Variants in MAPK10 observed in about 807,000 individuals in gnomAD.
MAPK10 encodes the protein JNK3 alpha protein kinase.
In MAPK10, 25 loss-of-function variants were observed where a neutral mutation model predicts 59.3. The ratio of observed to expected loss-of-function variants is 0.42; its 90% CI spans 0.31 to 0.59. MAPK10 has a LOEUF of 0.59. Among genes scored for constraint, MAPK10 ranks in the 20% least tolerant of loss-of-function variants. The pLI is 0.15. For missense variants in MAPK10, 351 were observed against 568.9 expected, an observed-to-expected ratio of 0.62 and a Z score of 3.90; for synonymous variants, 190 against 200.5, an observed-to-expected ratio of 0.95 and a Z score of 0.44.
At chr4:86,414,593 GT>G (rs1175877202) in intron 1 of MAPK10, among the ~76,000 whole-genome samples, 2 of 152,168 alleles carry the variant, frequency 1.3e-5, no homozygotes, top group Admixed American at 1.3e-4. Context: ...TATGCCTGAA[GT>G]CTACATTGCT....
chr4:86,468,763 A>T (rs1443082306), intron 1 of MAPK10, among the ~76,000 whole-genome samples: 4 of 152,294 alleles, frequency 2.6e-5, no homozygotes, highest in South Asian at 2.1e-4. Flanking sequence ...CTGAGGCAGG[A>T]GAATTGCTTG....
chr4:86,222,043 G>A (rs1037231521), intron 2 of MAPK10, among the ~76,000 whole-genome samples: 2 of 151,956 alleles, frequency 1.3e-5, no homozygotes, highest in Admixed American at 6.5e-5. Context: ...TCTCTTGCTC[G>A]TCTTCCAGAC....
At chr4:86,054,689 T>TTA (rs553625029) in intron 11 of MAPK10, among the ~76,000 whole-genome samples, 219 of 152,250 alleles carry the variant, frequency 1.4e-3, no homozygotes, top group Non-Finnish European at 2.4e-3. Flanking sequence ...ATTTCTAAAT[T>TTA]TATATATATT....
chr4:86,099,945 C>T (rs1428665081), intron 8 of MAPK10: 2 of 152,106 alleles, frequency 1.3e-5, no homozygotes, highest in Non-Finnish European at 2.9e-5. Flanking sequence ...GTGAACCTGA[C>T]CTTTGTAAGA....
At chr4:86,490,600 TGA>T (rs1754383253) in intron 1 of MAPK10, among the ~76,000 whole-genome samples, 2 of 152,226 alleles carry the variant, frequency 1.3e-5, no homozygotes, top group Admixed American at 1.3e-4. Context: ...GGCACTGGCC[TGA>T]GAGACAAGTA....
chr4:86,324,043 T>C (rs1564381953), intron 2 of MAPK10, among the ~76,000 whole-genome samples: 1 of 152,086 alleles, frequency 6.6e-6, no homozygotes, highest in East Asian at 1.9e-4. Flanking sequence ...AGGTAGAAAG[T>C]TCCCAGCAAA....
chr4:86,159,856 C>A (rs1439565712), intron 3 of MAPK10, among the ~76,000 whole-genome samples: 1 of 151,856 alleles, frequency 6.6e-6, no homozygotes, highest in Non-Finnish European at 1.5e-5. Context: ...CAAAGATGAT[C>A]ACTGGTCACC....
intron 4 of MAPK10, among the ~76,000 whole-genome samples, chr4:86,145,361 CA>C (rs1166418131): frequency 0.021 from 1,169 of 55,342 alleles, 24 homozygotes; most frequent in African/African-American, 0.058. Context: ...GACACCGTCT[CA>C]AAAAAAAAAA....
chr4:86,528,409 T>A (rs1304080898), intron 1 of MAPK10, among the ~76,000 whole-genome samples: 1 of 152,206 alleles, frequency 6.6e-6, no homozygotes, highest in East Asian at 1.9e-4. Flanking sequence ...ACTTATCTTT[T>A]ACTTTTATCC....
Position 86,067,777 on chromosome 4 carries a change from G to A in MAPK10, c.981C>T (p.Leu327=). 1 of 1,609,762 alleles carries A rather than the reference G, an allele frequency of 6.2e-7. No individual in the cohort carries two copies. The highest frequency in any genetic ancestry group is 8.5e-7 in the Non-Finnish European group (1 of 1,177,794). ...LFPADSEHNK[L]KASQARDLLS... is the part of the protein sequence containing the mutation. Reference sequence around the variant, plus strand: ...AGTCATTCCTGAAGGGCATACCTTTGAGTTTATTGTGCTCGGAGTCCGCTG... The same window carrying A: ...AGTCATTCCTGAAGGGCATACCTTTAAGTTTATTGTGCTCGGAGTCCGCTG... Residue 327 remains leucine, a synonymous_variant, in exon 10 of 14, where the codon CTC becomes CTT. Transcript: ENST00000641462.
chr4:86,465,829 G>A (rs1752152335), intron 1 of MAPK10, among the ~76,000 whole-genome samples: 1 of 152,118 alleles, frequency 6.6e-6, no homozygotes, highest in Non-Finnish European at 1.5e-5. Context: ...AAGGACCCCA[G>A]CTGTCACGAG....
chr4:86,552,184 C>T (rs1301716273), intron 1 of MAPK10, among the ~76,000 whole-genome samples: 1 of 151,680 alleles, frequency 6.6e-6, no homozygotes, highest in African/African-American at 2.4e-5. Flanking sequence ...CTTTGGGAGG[C>T]CGAGGCGGGA....
chr4:86,284,001 T>C (rs951988193), intron 2 of MAPK10, among the ~76,000 whole-genome samples: 2 of 152,190 alleles, frequency 1.3e-5, no homozygotes, highest in African/African-American at 2.4e-5. Context: ...AGAAGCCGCA[T>C]AATAAAGAAA....
chr4:86,244,021 A>G (rs1338458357), intron 2 of MAPK10, among the ~76,000 whole-genome samples: 1 of 152,202 alleles, frequency 6.6e-6, no homozygotes, highest in Non-Finnish European at 1.5e-5. Context: ...TAGCAACTCA[A>G]TAAATACTTG....
chr4:86,312,623 T>C (rs2095692681), intron 2 of MAPK10, among the ~76,000 whole-genome samples: 1 of 152,036 alleles, frequency 6.6e-6, no homozygotes, highest in African/African-American at 2.4e-5. Flanking sequence ...GATGAAACAA[T>C]GTAAATAGGG....
At chr4:86,518,617 C>T (rs1413351717) in intron 1 of MAPK10, among the ~76,000 whole-genome samples, 1 of 148,520 alleles carries the variant, frequency 6.7e-6, no homozygotes, top group Non-Finnish European at 1.5e-5. Context: ...TCATTTAGTT[C>T]TGCTCTGATC....
chr4:86,135,622 C>A (rs1308105722), intron 4 of MAPK10, among the ~76,000 whole-genome samples: 1 of 152,150 alleles, frequency 6.6e-6, no homozygotes, highest in Non-Finnish European at 1.5e-5. Flanking sequence ...CTCTAAAAAG[C>A]AGAGCGCCTC....
intron 1 of MAPK10, among the ~76,000 whole-genome samples, chr4:86,391,781 C>T (rs905488055): frequency 3.3e-5 from 5 of 152,172 alleles, no homozygotes; most frequent in Admixed American, 6.5e-5. Context: ...AAACAAGTGA[C>T]GTGAACCATT....
At chr4:86,593,503 C>A (rs942156550) in intron 1 of MAPK10, among the ~76,000 whole-genome samples, 2 of 152,118 alleles carry the variant, frequency 1.3e-5, no homozygotes, top group African/African-American at 4.8e-5. Flanking sequence ...TCTGGATATA[C>A]CTTGGCCAAA....
Sources: allele counts gnomAD v4.1 joint callset (sites outside exome capture counted in the v4.1 genomes callset), GRCh38; gene constraint gnomAD v4.1.1; transcripts MANE v1.5; gene names NCBI Gene and HGNC (gene_info 2026-07-23, HGNC 2026-07-21).